Variants in RANBP17 observed in about 807,000 individuals in gnomAD.
The protein encoded by RANBP17 is RAN binding protein 17.
A neutral mutation model predicts 141.2 loss-of-function variants in RANBP17; 158 were observed. The observed-to-expected ratio is 1.12, with a 90% CI of 0.98 to 1.28. The LOEUF (loss-of-function observed/expected upper bound fraction) is 1.28, where lower values mean the gene tolerates loss of function less well. Ranked by LOEUF, RANBP17 falls within the 50% of genes most tolerant of loss-of-function variation. The pLI is 0.00. For missense variants in RANBP17, 1,438 were observed against 1,290.7 expected (o/e 1.11, Z -1.75); for synonymous variants, 430 against 450.0 (o/e 0.96, Z 0.56).
At chr5:171,139,544 A>G (rs1244710083) in intron 14 of RANBP17, among the ~76,000 whole-genome samples, 2 of 152,202 alleles carry the variant, frequency 1.3e-5, no homozygotes, top group Non-Finnish European at 2.9e-5. Flanking sequence ...CCATTCTAGT[A>G]TAAACCAGAA....
rs542670819 is a variant in RANBP17, at chr5:170,906,296, A to G, written c.490-3365A>G. On this transcript the variant is annotated intron_variant, in intron 5 of 27. Transcript: ENST00000523189. ...CTTCAATCTGGAGAAAAATTTCTCAATCTTTTTCACTTTCATGGCCTTGAC... is the reference window on the plus strand; with the variant it reads ...CTTCAATCTGGAGAAAAATTTCTCAGTCTTTTTCACTTTCATGGCCTTGAC... Among the ~76,000 whole-genome samples, 3 of 152,164 alleles carry G rather than the reference A, an allele frequency of 2.0e-5. No homozygotes were observed. In the South Asian group the frequency reaches 6.2e-4, roughly 32 times the overall value.
At position 171,267,476 on chromosome 5, in the gene RANBP17, A is replaced by G. The variant is rs925795721; in HGVS notation, c.2943+1629A>G. Among the ~76,000 whole-genome samples the G allele has an allele frequency of 3.9e-5, 6 of 152,166 alleles. 1 individual carries two copies. Among genetic ancestry groups the G allele is most frequent in the Middle Eastern group, 6.3e-3 (2 of 316 alleles). ...GTAAACACATCAATAGTGTGTTGCT[A>G]TATGACCGTTAGGGAGCAAATAAGT... is the stretch of plus-strand genomic sequence containing the variant. On this transcript the variant is annotated intron_variant, in intron 25 of 27. Coordinates refer to ENST00000523189, the MANE Select transcript of RANBP17 (RefSeq NM_022897.5).
chr5:170,935,575 A>G (rs1773798448), intron 12 of RANBP17, among the ~76,000 whole-genome samples: 1 of 152,014 alleles, frequency 6.6e-6, no homozygotes, highest in African/African-American at 2.4e-5. Context: ...CTGGAGGTCC[A>G]CTCCAGACCC....
At chr5:171,240,097 A>T (rs1023240791) in intron 22 of RANBP17, among the ~76,000 whole-genome samples, 1 of 152,156 alleles carries the variant, frequency 6.6e-6, no homozygotes, top group Admixed American at 6.5e-5. Flanking sequence ...TTTCAATTTT[A>T]GAAGCAATAC....
At chr5:171,130,155 A>G (rs1033731534) in intron 14 of RANBP17, among the ~76,000 whole-genome samples, 2 of 152,158 alleles carry the variant, frequency 1.3e-5, no homozygotes, top group African/African-American at 4.8e-5. Context: ...CCGAGGCTTC[A>G]GCATACAACT....
intron 14 of RANBP17, among the ~76,000 whole-genome samples, chr5:171,063,640 C>T (rs547777270): frequency 2.6e-5 from 4 of 152,352 alleles, no homozygotes; most frequent in African/African-American, 4.8e-5. Context: ...AGGCAGTCTG[C>T]CCGTTCTCAG....
chr5:171,027,860 A>T (rs753300044), intron 14 of RANBP17, among the ~76,000 whole-genome samples: 3 of 152,060 alleles, frequency 2.0e-5, no homozygotes, highest in Non-Finnish European at 4.4e-5. Flanking sequence ...TTCTGCTATT[A>T]ATTAGTTGGC....
intron 14 of RANBP17, among the ~76,000 whole-genome samples, chr5:171,088,857 C>G (rs2127723110): frequency 6.6e-6 from 1 of 152,178 alleles, no homozygotes; most frequent in African/African-American, 2.4e-5. Flanking sequence ...TCTAGTTATA[C>G]ATTCATCTAA....
In RANBP17 at chr5:170,922,573, A is replaced by G. The variant is rs529627046; in HGVS notation, c.1275-1784A>G. On this transcript the variant is annotated intron_variant, in intron 11 of 27. Transcript: ENST00000523189. ...CTGCAGCATCGCAGTTTGATCTCAG[A>G]CTGCTGCACTAGCAGTGAGTTACGG... Among the ~76,000 whole-genome samples, 55 of 152,202 alleles carry G rather than the reference A, an allele frequency of 3.6e-4. 1 individual carries two copies. The South Asian group carries it at 0.011, about 30-fold the overall frequency.
At chr5:171,067,008 T>C (rs1193755009) in intron 14 of RANBP17, among the ~76,000 whole-genome samples, 1 of 152,172 alleles carries the variant, frequency 6.6e-6, no homozygotes, top group Non-Finnish European at 1.5e-5. Context: ...ATTAAAAATA[T>C]AGGTTATTTT....
chr5:170,985,594 CTT>C (rs1778091280), intron 14 of RANBP17, among the ~76,000 whole-genome samples: 1 of 152,140 alleles, frequency 6.6e-6, no homozygotes, highest in Admixed American at 6.6e-5. Context: ...CCTTGTATCT[CTT>C]TTGTTCATCA....
At position 171,151,777 on chromosome 5, in the gene RANBP17, C is replaced by CA. The variant is rs753114904; in HGVS notation, c.1711-18349dup. Among the ~76,000 whole-genome samples the CA allele has an allele frequency of 2.0e-5, 3 of 152,136 alleles. No individual in the cohort carries two copies. The East Asian group carries it at 5.8e-4, about 29-fold the overall frequency. On this transcript the variant is annotated intron_variant, in intron 14 of 27. Coordinates refer to ENST00000523189, the MANE Select transcript of RANBP17 (RefSeq NM_022897.5). ...CTTTCTCGAACCAAGGAAAAAGAGC[C>CA]AAAATTGTTGCCATTTTGCCACCTT...
chr5:171,178,105 T>C (rs1202445717), intron 16 of RANBP17, among the ~76,000 whole-genome samples: 1 of 151,666 alleles, frequency 6.6e-6, no homozygotes, highest in Non-Finnish European at 1.5e-5. Flanking sequence ...CATGCCATGG[T>C]GGTTTGCTGC....
At chr5:171,103,667 G>T (rs548064561) in intron 14 of RANBP17, among the ~76,000 whole-genome samples, 5 of 152,082 alleles carry the variant, frequency 3.3e-5, no homozygotes, top group African/African-American at 7.2e-5. Context: ...AAACCCTGCA[G>T]CTAGCTAGGT....
chr5:171,004,360 C>T (rs1311696310), intron 14 of RANBP17, among the ~76,000 whole-genome samples: 1 of 152,050 alleles, frequency 6.6e-6, no homozygotes, highest in Non-Finnish European at 1.5e-5. Context: ...TAAAATGTCT[C>T]AGTCTAATAA....
In RANBP17 at chr5:171,063,541, C is replaced by G. The variant is rs572632581; in HGVS notation, c.1710+95164C>G. On this transcript the variant is annotated intron_variant, in intron 14 of 27. Transcript: ENST00000523189. ...TGGAATTTTTGTCTCAGAGGAGTAC[C>G]CAGCCGTGTGAGGTGTCAGTCTGCC... is the stretch of plus-strand genomic sequence containing the variant. Among the ~76,000 whole-genome samples, 14 of 152,224 alleles carry G rather than the reference C, an allele frequency of 9.2e-5. No individual in the cohort carries two copies. The East Asian group carries it at 2.5e-3, about 27-fold the overall frequency.
chr5:171,105,110 C>G (rs1054180437), intron 14 of RANBP17, among the ~76,000 whole-genome samples: 1 of 151,834 alleles, frequency 6.6e-6, no homozygotes, highest in African/African-American at 2.4e-5. Flanking sequence ...CAGCCGGGCG[C>G]GGTGGCTCAC....
At chr5:171,147,782 C>T (rs375525734) in intron 14 of RANBP17, among the ~76,000 whole-genome samples, 1 of 152,164 alleles carries the variant, frequency 6.6e-6, no homozygotes, top group South Asian at 2.1e-4. Flanking sequence ...GTCAGCCCCC[C>T]GCCCGGCCAG....
intron 14 of RANBP17, among the ~76,000 whole-genome samples, chr5:171,155,090 A>ATAT (rs1419205356): frequency 2.7e-4 from 29 of 106,774 alleles, no homozygotes; most frequent in African/African-American, 7.3e-4. Flanking sequence ...AAAAAAAAAA[A>ATAT]AAAAATATAT....
Sources: gnomAD v4.1 joint callset for allele counts (sites outside exome capture counted in the v4.1 genomes callset) on GRCh38, gnomAD v4.1.1 for gene constraint, MANE v1.5 for transcripts, NCBI Gene and HGNC (gene_info 2026-07-23, HGNC 2026-07-21) for gene names.